The following HSPG2 variants were observed in gnomAD, a reference collection of about 807,000 sequenced individuals.
The protein encoded by HSPG2 is basement membrane-specific heparan sulfate proteoglycan core protein.
HSPG2 carries 278 observed loss-of-function variants against 526.6 expected under a neutral mutation model. The ratio of observed to expected loss-of-function variants is 0.53; its 90% CI spans 0.48 to 0.58. The LOEUF is 0.58. HSPG2 is among the 20% of genes least tolerant of loss of function. The probability of loss-of-function intolerance (pLI) is 0.00; values close to 1 mark genes in which losing one functional copy is unlikely to be tolerated. For missense variants in HSPG2, 5,354 were observed against 6,099.5 expected, an observed-to-expected ratio of 0.88 and a Z score of 4.07; for synonymous variants, 2,465 against 2,555.4, an observed-to-expected ratio of 0.96 and a Z score of 1.07.
intron 55 of HSPG2, chr1:21,851,166 T>A (rs1638863368): frequency 7.6e-6 from 2 of 261,782 alleles, no homozygotes. Flanking sequence ...AGAGATGGGG[T>A]TTCACCATAC....
At position 21,857,294 on chromosome 1, in the gene HSPG2, G is replaced by C; in HGVS notation, c.5385C>G (p.Ala1795=). ...TCCCTGACCTGCACACCTTGCTTTT[G>C]GCTGTGCAGATGAAGGTGACGTCAG... ...PGADVTFICT[A]KSKSPAYTLV... Residue 1795 remains alanine (A), a synonymous_variant, in exon 43 of 97, where the codon GCC becomes GCG. Coordinates refer to ENST00000374695, the MANE Select transcript of HSPG2 (RefSeq NM_005529.7). The C allele has an allele frequency of 6.2e-7, 1 of 1,613,990 alleles. No homozygotes were observed.
chr1:21,854,412 C>G, intron 49 of HSPG2, 69 bp from the exon 50 acceptor site: 1 of 1,533,558 alleles, frequency 6.5e-7, no homozygotes, highest in South Asian at 1.2e-5. Context: ...CCCTCAGCCT[C>G]AGTGATTCAT....
At chr1:21,878,529 A>AC in intron 19 of HSPG2, 38 bp from the exon 20 acceptor site, 1 of 1,613,344 alleles carries the variant, frequency 6.2e-7, no homozygotes, top group Non-Finnish European at 8.5e-7. Flanking sequence ...CACTTCCATG[A>AC]CCCCACCCAG....
intron 1 of HSPG2, among the ~76,000 whole-genome samples, chr1:21,910,144 T>C (rs966519721): frequency 2.0e-5 from 3 of 152,248 alleles, no homozygotes; most frequent in African/African-American, 7.2e-5. Context: ...CATGGCGATG[T>C]TGGTTCCTCC....
rs1640808546 is a variant in HSPG2 at position 21,873,444 on chromosome 1, C to T, written c.3744-20G>A. The T allele has an allele frequency of 1.2e-6, 2 of 1,613,808 alleles. No homozygotes were observed. The highest frequency in any genetic ancestry group is 2.7e-5 in the African/African-American group (2 of 74,872). On this transcript the variant is annotated intron_variant, in intron 29 of 96. Coordinates refer to ENST00000374695, the MANE Select transcript of HSPG2 (RefSeq NM_005529.7). The stretch of plus-strand genomic sequence containing the variant: ...GCGCACCTGCAGAGAGAAAAAGCCT[C>T]TGATGAATTTTGGATGAAGGGAAGC...
rs1642046336 is a variant in HSPG2, at chr1:21,887,805, A to G, written c.704-131T>C. On this transcript the variant is annotated intron_variant, in intron 7 of 96. Transcript: ENST00000374695. The surrounding 1 kb of genome is among the most constrained non-coding windows in gnomAD (Gnocchi z 5.0). ...CTGCCACCCCCTGCCTGGCTCTGTC[A>G]TCACCCTTCCTATGCCCCCATCCTC... 28 of 1,562,282 alleles carry G rather than the reference A, an allele frequency of 1.8e-5. No individual in the cohort carries two copies. The highest frequency in any genetic ancestry group is 2.5e-5 in the Non-Finnish European group (28 of 1,138,292).
Position 21,898,328 on chromosome 1 carries a change from C to G in HSPG2, c.64-2018G>C, listed in dbSNP as rs189596166. Among the ~76,000 whole-genome samples, 1 of 152,308 alleles carries G rather than the reference C, an allele frequency of 6.6e-6. No individual in the cohort carries two copies. The highest frequency in any genetic ancestry group is 1.9e-4 in the East Asian group (1 of 5,180). On this transcript the variant is annotated intron_variant, in intron 1 of 96. Transcript: ENST00000374695. The surrounding 1 kb of genome is among the most constrained non-coding windows in gnomAD (Gnocchi z 4.0). ...CTGCTTTGGCCTAAAGCCCTTACCC[C>G]CAACAATCCAGCGGCAAATGTTGCC... is the stretch of plus-strand genomic sequence containing the variant.
In HSPG2 at chr1:21,854,314, C is replaced by A; in HGVS notation, c.6318G>T (p.Gln2106His). The change falls in exon 50 of 97, where the codon CAG (glutamine) becomes CAT (histidine). Residue 2106 changes from glutamine (Q) to histidine (H), a missense_variant. By Grantham distance (24) the Gln-to-His change is conservative (BLOSUM62 0). Coordinates refer to ENST00000374695, the MANE Select transcript of HSPG2 (RefSeq NM_005529.7). ...ATTCTCCAGAATCAGCTGGTGAGAC[C>A]TGGGGGAGCCGCAGACGGGAGCCGT... ...QVHGSRLRLP[Q>H]VSPADSGEYV... is the part of the protein sequence containing the mutation. 3 of 1,572,408 alleles carry A rather than the reference C, an allele frequency of 1.9e-6. No individual in the cohort carries two copies. The highest frequency in any genetic ancestry group is 2.6e-6 in the Non-Finnish European group (3 of 1,158,580).
At chr1:21,829,956 C>T in intron 86 of HSPG2, 37 bp downstream of exon 86, 2 of 1,537,478 alleles carry the variant, frequency 1.3e-6, no homozygotes, top group Non-Finnish European at 8.9e-7. Flanking sequence ...CCAGCTGACA[C>T]TAGGACCCTG....
intron 71 of HSPG2, 77 bp from the exon 72 acceptor site, chr1:21,840,094 T>G: frequency 1.7e-6 from 2 of 1,145,000 alleles, no homozygotes; most frequent in Non-Finnish European, 2.6e-6. Context: ...TGGCTTGGTC[T>G]TCCCTATTTC....
Position 21,834,783 on chromosome 1 carries a change from A to T in HSPG2, c.10616T>A (p.Val3539Asp). ...CAGCTCTACGTGGGCGATCCTGACG[A>T]CACCTCCGCTCTGCACAATGCCTGG... ...LRPGIVQSGG[V>D]VRIAHVELAD... Residue 3539 changes from valine to aspartate, a missense_variant, in exon 77 of 97, where the codon GTC (valine) becomes GAC (aspartate). Transcript: ENST00000374695. 1 of 1,614,144 alleles carries T rather than the reference A, an allele frequency of 6.2e-7. No individual in the cohort carries two copies. Among genetic ancestry groups the T allele is most frequent in the Non-Finnish European group, 8.5e-7 (1 of 1,180,024 alleles).
intron 9 of HSPG2, among the ~76,000 whole-genome samples, chr1:21,886,538 CG>C (rs1182699404): frequency 1.3e-5 from 2 of 152,120 alleles, no homozygotes; most frequent in African/African-American, 4.8e-5. Flanking sequence ...AGGCTTCTTG[CG>C]GGACAGGACA....
At chr1:21,850,822 G>A (rs796751130) in intron 55 of HSPG2, among the ~76,000 whole-genome samples, 3 of 152,248 alleles carry the variant, frequency 2.0e-5, no homozygotes, top group African/African-American at 7.2e-5. Context: ...AGCGGATCTC[G>A]CAATCAGTGG....
intron 50 of HSPG2, chr1:21,853,776 TAAAATAAAATA>T (rs1380130902): frequency 4.9e-6 from 1 of 202,956 alleles, no homozygotes; most frequent in African/African-American, 2.4e-5. Context: ...TAAAATAAAA[TAAAATAAAATA>T]AAATAAAATA....
Position 21,850,185 on chromosome 1 carries a change from C to G in HSPG2, c.7302G>C (p.Gly2434=). 6.2e-7 allele frequency: 1 copy of G among 1,613,338 alleles called. No individual in the cohort carries two copies. ...ACTCGATCCGGACCGTGGGGGTGACCCCAAGTGCTGGGGACAGAGGGCAAA... is the reference window on the plus strand; with the variant it reads ...ACTCGATCCGGACCGTGGGGGTGACGCCAAGTGCTGGGGACAGAGGGCAAA... ...IEPAGSVPAL[G]VTPTVRIESS... The change falls in exon 57 of 97, where the codon GGG becomes GGC. Residue 2434 remains glycine, a synonymous_variant. Transcript: ENST00000374695.
Position 21,887,601 on chromosome 1 carries a change from C to T in HSPG2, c.777G>A (p.Glu259=). The change falls in exon 8 of 97, where the codon GAG becomes GAA. Residue 259 remains glutamate, a synonymous_variant. Coordinates refer to ENST00000374695, the MANE Select transcript of HSPG2 (RefSeq NM_005529.7). This position sits in a 1 kb window ranked among gnomAD's most constrained non-coding sequence, Gnocchi z 5.0. ...CTGGTGGCTGTCGCATGATGGTTGT[C>T]TCTGGCCGGGGCGGTAAAGATGTCG... ...VETTSLPPRP[E]TTIMRQPPVT... is the part of the protein sequence containing the mutation. The T allele has an allele frequency of 6.2e-7, 1 of 1,614,072 alleles. No homozygotes were observed. The highest frequency in any genetic ancestry group is 8.5e-7 in the Non-Finnish European group (1 of 1,180,022).
chr1:21,832,526 A>G lies in HSPG2; in HGVS notation c.11176T>C (p.Phe3726Leu), dbSNP rs774163889. 6.2e-7 allele frequency: 1 copy of G among 1,614,182 alleles called. No homozygotes were observed. The highest frequency in any genetic ancestry group is 2.2e-5 in the East Asian group (1 of 44,876). ...TCGGGCCTTCCCCCCACGAGGCCGA[A>G]GGAGATGAAGTCGGGCTGCCGGTTG... Reference protein sequence around the residue: ...LANRQPDFISFGLVGGRPEFR... With the variant: ...LANRQPDFISLGLVGGRPEFR... The change falls in exon 81 of 97, where the codon TTC becomes CTC. Residue 3726 changes from phenylalanine to leucine, a missense_variant. Coordinates refer to ENST00000374695, the MANE Select transcript of HSPG2 (RefSeq NM_005529.7).
At chr1:21,903,852 G>A (rs1341807578) in intron 1 of HSPG2, among the ~76,000 whole-genome samples, 1 of 152,186 alleles carries the variant, frequency 6.6e-6, no homozygotes, top group Non-Finnish European at 1.5e-5. Context: ...GACCAGGCAG[G>A]GGACTGGCGA....
chr1:21,910,004 C>T (rs947884003), intron 1 of HSPG2, among the ~76,000 whole-genome samples: 6 of 152,358 alleles, frequency 3.9e-5, no homozygotes, highest in Non-Finnish European at 4.4e-5. Context: ...TCCCACAAAG[C>T]AGGCCTTCCT....
Sources: gnomAD v4.1 joint callset for allele counts (sites outside exome capture counted in the v4.1 genomes callset) on GRCh38, gnomAD v4.1.1 for gene constraint, Gnocchi (gnomAD v3.1) non-coding constraint, MANE v1.5 for transcripts, NCBI Gene and HGNC (gene_info 2026-07-23, HGNC 2026-07-21) for gene names.